Variants in EPB41L1 observed in about 807,000 individuals in gnomAD.
EPB41L1 encodes erythrocyte membrane protein band 4.1 like 1.
A neutral mutation model predicts 97.8 loss-of-function variants in EPB41L1; 29 were observed. The ratio of observed to expected loss-of-function variants is 0.30; its 90% CI spans 0.22 to 0.40. The LOEUF is 0.40. EPB41L1 is among the 10% of genes least tolerant of loss of function. The pLI is 1.00. For missense variants in EPB41L1, 812 were observed against 1,162.3 expected, an observed-to-expected ratio of 0.70 and a Z score of 4.38; for synonymous variants, 383 against 459.2, an observed-to-expected ratio of 0.83 and a Z score of 2.12.
At chr20:36,186,209 C>A (rs1037814927) in intron 7 of EPB41L1, among the ~76,000 whole-genome samples, 10 of 152,238 alleles carry the variant, frequency 6.6e-5, no homozygotes, top group African/African-American at 2.4e-4. Context: ...TGGAGAGGAG[C>A]CCTTGGAACT....
At chr20:36,228,047 C>G (rs907168207) in intron 21 of EPB41L1, among the ~76,000 whole-genome samples, 1 of 152,210 alleles carries the variant, frequency 6.6e-6, no homozygotes, top group African/African-American at 2.4e-5. Flanking sequence ...AAGCCTGAAG[C>G]CTCTGGGCCT....
In EPB41L1 at chr20:36,141,218, G is replaced by A. The variant is rs141642939; in HGVS notation, c.-10+28738G>A. On this transcript the variant is annotated intron_variant, in intron 2 of 19. Transcript: ENST00000202028. ...GACCTTTGGCAAGTGTTGTGCTGCT[G>A]TACTTGCTGGCCCTCAGTTTTCTCA... Among the ~76,000 whole-genome samples, 7 of 152,304 alleles carry A rather than the reference G, an allele frequency of 4.6e-5. No homozygotes were observed. In the East Asian group the frequency reaches 1.4e-3, roughly 29 times the overall value.
chr20:36,123,610 T>A (rs968469300), intron 2 of EPB41L1, among the ~76,000 whole-genome samples: 2 of 152,156 alleles, frequency 1.3e-5, no homozygotes, highest in African/African-American at 2.4e-5. Context: ...CTGGCTAATT[T>A]TTGTAGAGAC....
At chr20:36,133,648 C>G (rs1254722910) in intron 2 of EPB41L1, among the ~76,000 whole-genome samples, 4 of 152,122 alleles carry the variant, frequency 2.6e-5, no homozygotes, top group Non-Finnish European at 5.9e-5. Context: ...CTTGAGCTCA[C>G]GAGTTTGAGA....
At position 36,122,875 on chromosome 20, in the gene EPB41L1, T is replaced by C. The variant is rs145130451; in HGVS notation, c.-10+10395T>C. On this transcript the variant is annotated intron_variant, in intron 2 of 19. Coordinates refer to the EPB41L1 transcript ENST00000202028. ...GATTCTAGTTGGGGTTCTACGATTT[T>C]CTCTCCATCCCTGAACAAACGATAG... The C allele has an allele frequency of 2.1e-4, 32 of 152,262 alleles. No homozygotes were observed. In the East Asian group the frequency reaches 4.7e-3, roughly 22 times the overall value. The allele number at this position is 152,262 out of a possible 1,614,324, so 9.4% of individuals were successfully genotyped here.
intron 14 of EPB41L1, among the ~76,000 whole-genome samples, chr20:36,203,198 TTTC>T (rs1480226475): frequency 1.6e-4 from 25 of 152,242 alleles, no homozygotes; most frequent in Admixed American, 1.2e-3. Flanking sequence ...TGGAAGTTTT[TTTC>T]TTTTTTGTTC....
intron 1 of EPB41L1, among the ~76,000 whole-genome samples, chr20:36,096,344 T>C (rs908524149): frequency 6.6e-6 from 1 of 152,308 alleles, no homozygotes; most frequent in African/African-American, 2.4e-5. Flanking sequence ...GCAATGACTC[T>C]TTGACAGTGT....
chr20:36,202,640 A>AAAT (rs536919167), intron 14 of EPB41L1, among the ~76,000 whole-genome samples: 4,307 of 149,904 alleles, frequency 0.029, 148 homozygotes, highest in African/African-American at 0.085. Context: ...CTAAAAATAC[A>AAAT]AATAATAATA....
intron 1 of EPB41L1, among the ~76,000 whole-genome samples, chr20:36,105,392 C>T (rs1428907227): frequency 6.6e-6 from 1 of 152,116 alleles, no homozygotes; most frequent in South Asian, 2.1e-4. Context: ...GTCCTGGGGT[C>T]AAAGGGGTCA....
At chr20:36,130,892 C>A (rs1164783668) in intron 2 of EPB41L1, among the ~76,000 whole-genome samples, 2 of 151,790 alleles carry the variant, frequency 1.3e-5, no homozygotes, top group Non-Finnish European at 2.9e-5. Context: ...TCACTGTAAC[C>A]TCTGCCTCTG....
At position 36,119,545 on chromosome 20, in the gene EPB41L1, C is replaced by T. The variant is rs539207076; in HGVS notation, c.-10+7065C>T. 1.1e-4 allele frequency among the ~76,000 whole-genome samples: 16 copies of T among 151,614 alleles called. No individual in the cohort carries two copies. The South Asian group carries it at 2.1e-3, about 20-fold the overall frequency. On this transcript the variant is annotated intron_variant, in intron 2 of 19. Coordinates refer to the EPB41L1 transcript ENST00000202028. ...TGAACCTGGTAGGGTTGCAGAGAGTCGAGATTGAGCCACTGCACCCCAGCC... is the reference window on the plus strand; with the variant it reads ...TGAACCTGGTAGGGTTGCAGAGAGTTGAGATTGAGCCACTGCACCCCAGCC...
At chr20:36,153,185 G>T, upstream of EPB41L1, 1 of 437,334 alleles carries the variant, frequency 2.3e-6, no homozygotes, top group Non-Finnish European at 4.6e-6. Context: ...GTGCTGAGGA[G>T]AGGGCATAGC....
At chr20:36,132,752 G>T (rs978302134) in intron 2 of EPB41L1, among the ~76,000 whole-genome samples, 3 of 151,792 alleles carry the variant, frequency 2.0e-5, no homozygotes, top group African/African-American at 7.3e-5. Context: ...ATGATGGGGG[G>T]CCCGGAAGGA....
In EPB41L1 at chr20:36,231,317, T is replaced by A. The variant is rs942504211; in HGVS notation, c.*1977T>A. 1 of 152,230 alleles carries A rather than the reference T, an allele frequency of 6.6e-6. No homozygotes were observed. The highest frequency in any genetic ancestry group is 2.4e-5 in the African/African-American group (1 of 41,460). The allele number at this position is 152,230 out of a possible 1,614,324, so 9.4% of individuals were successfully genotyped here. ...GAAAATGTCCCACTGCACTGCGAATTTCTCAGTTCCATTTTACCTCCCAGT... is the reference window on the plus strand; with the variant it reads ...GAAAATGTCCCACTGCACTGCGAATATCTCAGTTCCATTTTACCTCCCAGT... On this transcript the variant is annotated 3_prime_UTR_variant, in exon 22 of 22. Transcript: ENST00000338074.
At chr20:36,109,532 G>A (rs976612784) in intron 1 of EPB41L1, 1 of 152,222 alleles carries the variant, frequency 6.6e-6, no homozygotes. Context: ...GTTGCATCCA[G>A]CAGCTCATAT....
chr20:36,131,961 C>G (rs1433219244), intron 2 of EPB41L1, among the ~76,000 whole-genome samples: 1 of 152,120 alleles, frequency 6.6e-6, no homozygotes, highest in African/African-American at 2.4e-5. Flanking sequence ...TGCTTTCCCC[C>G]ACAAAGTTAT....
intron 5 of EPB41L1, 80 bp downstream of exon 5, chr20:36,178,752 C>CCAAAGGAGGAGAGAG: frequency 1.4e-6 from 2 of 1,449,156 alleles, no homozygotes; most frequent in Non-Finnish European, 1.9e-6. Context: ...ACTGCTCTCT[C>CCAAAGGAGGAGAGAG]CTCCTTTGGA....
intron 1 of EPB41L1, among the ~76,000 whole-genome samples, chr20:36,103,690 G>GTTTATTTTTC (rs2058094510): frequency 2.0e-5 from 3 of 148,890 alleles, no homozygotes; most frequent in African/African-American, 7.4e-5. Context: ...TATTACCATT[G>GTTTATTTTTC]TTTCTTTTTC....
At chr20:36,151,381 C>G (rs950535170), upstream of EPB41L1, 3 of 152,200 alleles carry the variant, frequency 2.0e-5, no homozygotes, top group African/African-American at 7.2e-5. Flanking sequence ...CAGGGATTCT[C>G]CCATTTTATA....
Sources: gnomAD v4.1 joint callset for allele counts (sites outside exome capture counted in the v4.1 genomes callset) on GRCh38, gnomAD v4.1.1 for gene constraint, MANE v1.5 for transcripts, NCBI Gene and HGNC (gene_info 2026-07-23, HGNC 2026-07-21) for gene names.